UTRN: variants seen among roughly 807,000 people sequenced by gnomAD.
The protein encoded by UTRN is utrophin.
Under a neutral mutation model 463.9 loss-of-function variants are expected in UTRN, and 283 were observed. The ratio of observed to expected loss-of-function variants is 0.61; its 90% CI spans 0.55 to 0.67. The LOEUF (loss-of-function observed/expected upper bound fraction) is 0.67, where lower values mean the gene tolerates loss of function less well. UTRN is among the 30% of genes least tolerant of loss of function. UTRN has a pLI of 0.00. For missense variants in UTRN, 3,922 were observed against 4,084.3 expected (o/e 0.96, Z 1.08); for synonymous variants, 1,442 against 1,431.5 (o/e 1.01, Z -0.17).
rs1172684630 is a variant in UTRN, at chr6:144,751,870, A to G, written c.8273A>G (p.Gln2758Arg). Residue 2758 changes from glutamine (Q) to arginine (R), a missense_variant, in exon 56 of 75, where the codon CAG becomes CGG. Physicochemically the swap from Gln to Arg is conservative, Grantham distance 43. Transcript: ENST00000367545. Reference sequence around the variant, plus strand: ...AAAACGGTGAATGATTTATCCAGTCAGCTGTCTCCACTTGACCTGCATCCC... The same window carrying G: ...AAAACGGTGAATGATTTATCCAGTCGGCTGTCTCCACTTGACCTGCATCCC... Reference protein sequence around the residue: ...KVKTVNDLSSQLSPLDLHPSL... With the variant: ...KVKTVNDLSSRLSPLDLHPSL... 1 of 1,612,548 alleles carries G rather than the reference A, an allele frequency of 6.2e-7. No homozygotes were observed. Among genetic ancestry groups the G allele is most frequent in the South Asian group, 1.1e-5 (1 of 90,882 alleles).
chr6:144,549,493 A>G (rs1327045636), intron 47 of UTRN, among the ~76,000 whole-genome samples: 2 of 152,232 alleles, frequency 1.3e-5, no homozygotes, highest in Admixed American at 6.5e-5. Context: ...ATTCTTTAAT[A>G]GTCTTGTGAG....
chr6:144,495,896 A>G (rs1338932060), intron 33 of UTRN, among the ~76,000 whole-genome samples: 1 of 152,228 alleles, frequency 6.6e-6, no homozygotes, highest in Non-Finnish European at 1.5e-5. Flanking sequence ...AAAATGGGAA[A>G]TAATAATCCC....
chr6:144,378,567 G>A (rs1008443303), intron 2 of UTRN, among the ~76,000 whole-genome samples: 1 of 152,210 alleles, frequency 6.6e-6, no homozygotes, highest in Admixed American at 6.5e-5. Context: ...GGTGAAGGAG[G>A]CAGGCATAGC....
At chr6:144,682,992 T>C (rs9373421) in intron 52 of UTRN, among the ~76,000 whole-genome samples, 14,719 of 152,050 alleles carry the variant, frequency 0.097, 1,263 homozygotes, top group East Asian at 0.48. Context: ...TCTGAGAAGG[T>C]CTCCCAAAAC....
At chr6:144,411,339 T>C (rs967942978) in intron 3 of UTRN, among the ~76,000 whole-genome samples, 1 of 152,232 alleles carries the variant, frequency 6.6e-6, no homozygotes, top group Non-Finnish European at 1.5e-5. Flanking sequence ...CATATTCTTG[T>C]TGCCCATTTG....
chr6:144,429,499 A>G (rs1347247311), intron 8 of UTRN, 82 bp from the exon 9 acceptor site: 2 of 1,283,024 alleles, frequency 1.6e-6, no homozygotes, highest in Admixed American at 4.6e-5. Context: ...TACTAAGGAG[A>G]GTTATTTTAT....
At chr6:144,798,966 T>C (rs1057510904) in intron 64 of UTRN, among the ~76,000 whole-genome samples, 1 of 152,200 alleles carries the variant, frequency 6.6e-6, no homozygotes, top group Non-Finnish European at 1.5e-5. Context: ...GGTCTCAAAC[T>C]CCCGACCATG....
At chr6:144,529,021 T>C (rs1796803470) in intron 41 of UTRN, among the ~76,000 whole-genome samples, 1 of 152,176 alleles carries the variant, frequency 6.6e-6, no homozygotes, top group Non-Finnish European at 1.5e-5. Context: ...TGGAGTTATG[T>C]TCCCAGGGGG....
chr6:144,381,121 G>T (rs1780874530), intron 2 of UTRN, among the ~76,000 whole-genome samples: 1 of 151,964 alleles, frequency 6.6e-6, no homozygotes, highest in Admixed American at 6.6e-5. Context: ...TCATCATCCA[G>T]GTATTAAGCC....
intron 19 of UTRN, among the ~76,000 whole-genome samples, 180 bp downstream of exon 19, chr6:144,454,049 T>C (rs73598999): frequency 0.095 from 14,443 of 152,190 alleles, 2,292 homozygotes; most frequent in African/African-American, 0.33. Context: ...CTGAAGCTGA[T>C]TGTAAAAAAG....
At chr6:144,405,443 G>A (rs1010001163) in intron 3 of UTRN, among the ~76,000 whole-genome samples, 3 of 151,952 alleles carry the variant, frequency 2.0e-5, no homozygotes, top group Non-Finnish European at 4.4e-5. Flanking sequence ...GGGAAAGACC[G>A]TATTCATGCC....
rs373769853 is a variant in UTRN, at chr6:144,487,585, G to A, written c.3860G>A (p.Arg1287His). 27 of 1,612,590 alleles carry A rather than the reference G, an allele frequency of 1.7e-5. No individual in the cohort carries two copies. The highest frequency in any genetic ancestry group is 2.1e-5 in the Non-Finnish European group (25 of 1,179,342). Residue 1287 changes from arginine (R) to histidine (H), a missense_variant, in exon 29 of 75, where the codon CGC (arginine) becomes CAC (histidine). By Grantham distance (29) the Arg-to-His change is conservative (BLOSUM62 0). This residue lies in a region of UTRN where 2,349 missense variants were observed against 2,303.8 expected (regional missense o/e 1.02). Coordinates refer to ENST00000367545, the MANE Select transcript of UTRN (RefSeq NM_007124.3). ...ESVLRHPADNRTQIRELGQTL... is the reference protein window; with the variant it reads ...ESVLRHPADNHTQIRELGQTL... ...GTTCTGCGCCACCCGGCAGATAATC[G>A]CACCCAGATTCGAGAGCTTGGCCAG... is the stretch of plus-strand genomic sequence containing the variant.
At chr6:144,505,639 C>G (rs1019067565) in intron 34 of UTRN, among the ~76,000 whole-genome samples, 1 of 152,138 alleles carries the variant, frequency 6.6e-6, no homozygotes, top group Non-Finnish European at 1.5e-5. Flanking sequence ...GATTTCTGTT[C>G]TTTTGCATTT....
intron 3 of UTRN, among the ~76,000 whole-genome samples, chr6:144,414,673 C>T (rs1167020408): frequency 1.3e-5 from 2 of 151,668 alleles, no homozygotes; most frequent in Non-Finnish European, 2.9e-5. Context: ...TAGTCCTGTA[C>T]GCACCATTCA....
chr6:144,456,118 C>A (rs543530658), intron 19 of UTRN, among the ~76,000 whole-genome samples: 117 of 152,028 alleles, frequency 7.7e-4, no homozygotes, highest in Middle Eastern at 3.4e-3. Flanking sequence ...TTTTTTAGGA[C>A]AACAGTGGGA....
At chr6:144,701,249 G>A (rs185325681) in intron 53 of UTRN, among the ~76,000 whole-genome samples, 4 of 151,546 alleles carry the variant, frequency 2.6e-5, no homozygotes, top group Non-Finnish European at 4.4e-5. Flanking sequence ...AATTCAAAAG[G>A]CATCGAGTCA....
chr6:144,466,490 G>A (rs930527923), intron 23 of UTRN, among the ~76,000 whole-genome samples: 1 of 152,098 alleles, frequency 6.6e-6, no homozygotes, highest in Admixed American at 6.5e-5. Flanking sequence ...CTTTTTATTT[G>A]TGCCATGCCA....
In UTRN at chr6:144,748,288, T is replaced by C. The variant is rs1790980320; in HGVS notation, c.7982T>C (p.Met2661Thr). 5.0e-6 allele frequency: 8 copies of C among 1,612,850 alleles called. No individual in the cohort carries two copies. Among genetic ancestry groups the C allele is most frequent in the East Asian group, 4.5e-5 (2 of 44,792 alleles). ...AGAGCCCAAAAGATTGCCAAAGCCA[T>C]GCGCAAACAGTCTTCTGAAGTCAAA... ...EERAQKIAKAMRKQSSEVKEK... is the reference protein window; with the variant it reads ...EERAQKIAKATRKQSSEVKEK... The change falls in exon 55 of 75, where the codon ATG (methionine) becomes ACG (threonine). Residue 2661 changes from methionine to threonine, a missense_variant. Physicochemically the swap from Met to Thr is moderately conservative, Grantham distance 81 (BLOSUM62 -1). This residue lies in a region of UTRN where 1,309 missense variants were observed against 1,452.6 expected (regional missense o/e 0.90). Coordinates refer to ENST00000367545, the MANE Select transcript of UTRN (RefSeq NM_007124.3).
chr6:144,514,935 C>G (rs888613525), intron 37 of UTRN, 115 bp downstream of exon 37: 1 of 1,145,638 alleles, frequency 8.7e-7, no homozygotes, highest in Non-Finnish European at 1.2e-6. Context: ...TTATTGTTTT[C>G]TCTCTCTGTC....
Sources: gnomAD v4.1 joint callset for allele counts (sites outside exome capture counted in the v4.1 genomes callset) on GRCh38, gnomAD v4.1.1 for gene constraint, gnomAD v4.1.1 regional missense constraint, MANE v1.5 for transcripts, NCBI Gene and HGNC (gene_info 2026-07-23, HGNC 2026-07-21) for gene names.